Variants in TBC1D19 observed in about 807,000 individuals in gnomAD.
TBC1D19 encodes TBC1 domain family member 19, also known as TBC1 domain family, member 19.
In TBC1D19, 60 loss-of-function variants were observed where a neutral mutation model predicts 89.0. That is an observed-to-expected ratio of 0.67 (90% CI 0.55 to 0.84). The LOEUF is 0.84. TBC1D19 is among the 40% of genes least tolerant of loss of function. The probability of loss-of-function intolerance (pLI) is 0.00; values close to 1 mark genes in which losing one functional copy is unlikely to be tolerated. For missense variants in TBC1D19, 500 were observed against 610.8 expected (o/e 0.82, Z 1.91); for synonymous variants, 189 against 199.7 (o/e 0.95, Z 0.45).
intron 7 of TBC1D19, among the ~76,000 whole-genome samples, chr4:26,658,663 A>T (rs1340057537): frequency 1.3e-5 from 2 of 152,068 alleles, no homozygotes; most frequent in African/African-American, 4.8e-5. Flanking sequence ...TGAATCTATA[A>T]ATTACTTTGG....
chr4:26,835,054 A>G, the TBC1D19 span, among the ~76,000 whole-genome samples: 1 of 152,242 alleles, frequency 6.6e-6, no homozygotes, highest in African/African-American at 2.4e-5. Context: ...ATTTGTGAAT[A>G]TGTTGTCTTA....
intron 13 of TBC1D19, among the ~76,000 whole-genome samples, chr4:26,697,785 G>A (rs1440930960): frequency 6.6e-6 from 1 of 152,142 alleles, no homozygotes; most frequent in African/African-American, 2.4e-5. Flanking sequence ...AATAGATGCA[G>A]GAAAGGCCTT....
At chr4:26,655,985 G>C (rs1577886293) in intron 7 of TBC1D19, among the ~76,000 whole-genome samples, 1 of 152,132 alleles carries the variant, frequency 6.6e-6, no homozygotes, top group South Asian at 2.1e-4. Flanking sequence ...CTGTAGACTG[G>C]AGCTGTTCCT....
the TBC1D19 span, among the ~76,000 whole-genome samples, chr4:26,803,491 G>T: frequency 6.6e-6 from 1 of 152,154 alleles, no homozygotes; most frequent in Admixed American, 6.5e-5. Flanking sequence ...AATGACAAAG[G>T]CTTGGCTTCA....
chr4:26,699,578 G>A lies in TBC1D19; in HGVS notation c.954+11171G>A, dbSNP rs548562375. On this transcript the variant is annotated intron_variant, in intron 13 of 20. Coordinates refer to ENST00000264866, the MANE Select transcript of TBC1D19 (RefSeq NM_018317.4). ...GACATGCACACATATGTTTATTGCG[G>A]CACTATTCACAATAGCAAAGACTTG... Among the ~76,000 whole-genome samples, 6 of 152,224 alleles carry A rather than the reference G, an allele frequency of 3.9e-5. No individual in the cohort carries two copies. In the East Asian group the frequency reaches 1.2e-3, roughly 29 times the overall value.
At chr4:26,760,559 A>G (rs1049807204), downstream of TBC1D19, among the ~76,000 whole-genome samples, 2 of 152,174 alleles carry the variant, frequency 1.3e-5, no homozygotes, top group African/African-American at 4.8e-5. Flanking sequence ...CCTGGATGAC[A>G]GAGGGAGACC....
intron 13 of TBC1D19, among the ~76,000 whole-genome samples, chr4:26,703,671 T>C (rs1053086262): frequency 1.3e-5 from 2 of 152,058 alleles, no homozygotes; most frequent in African/African-American, 4.8e-5. Flanking sequence ...TCTGGGCCTA[T>C]GTCCGGGCAC....
At chr4:26,759,357 C>G (rs1380131618), downstream of TBC1D19, among the ~76,000 whole-genome samples, 1 of 152,008 alleles carries the variant, frequency 6.6e-6, no homozygotes, top group Non-Finnish European at 1.5e-5. Flanking sequence ...TGCGGAGTTG[C>G]CTTTGGAAGT....
intron 17 of TBC1D19, among the ~76,000 whole-genome samples, chr4:26,742,040 G>A (rs950025063): frequency 2.0e-5 from 3 of 152,204 alleles, no homozygotes; most frequent in Admixed American, 6.5e-5. Flanking sequence ...AAAGCAGGCA[G>A]TATTTTCCCT....
chr4:26,816,002 T>C, the TBC1D19 span, among the ~76,000 whole-genome samples: 1 of 152,180 alleles, frequency 6.6e-6, no homozygotes, highest in African/African-American at 2.4e-5. Flanking sequence ...AGAGGAGTTC[T>C]CTCCACAGGC....
intron 4 of TBC1D19, among the ~76,000 whole-genome samples, chr4:26,621,810 GT>G (rs1043623304): frequency 2.3e-4 from 35 of 150,780 alleles, no homozygotes; most frequent in Middle Eastern, 3.4e-3. Context: ...AGAATTGTGG[GT>G]TTTTTTTTGT....
the TBC1D19 span, among the ~76,000 whole-genome samples, chr4:26,778,122 G>C: frequency 6.7e-6 from 1 of 150,084 alleles, no homozygotes; most frequent in African/African-American, 2.4e-5. Flanking sequence ...AGAGAGAGAA[G>C]GAAAGGAAAG....
At chr4:26,713,350 T>C (rs1214054359) in intron 13 of TBC1D19, among the ~76,000 whole-genome samples, 5 of 152,044 alleles carry the variant, frequency 3.3e-5, no homozygotes, top group Admixed American at 2.6e-4. Flanking sequence ...TTTTATACAC[T>C]AGAAATCAAG....
At chr4:26,712,287 C>T (rs1363989498) in intron 13 of TBC1D19, among the ~76,000 whole-genome samples, 1 of 151,936 alleles carries the variant, frequency 6.6e-6, no homozygotes, top group Non-Finnish European at 1.5e-5. Flanking sequence ...TGAATCAAGG[C>T]ATTGGCAGGG....
intron 13 of TBC1D19, among the ~76,000 whole-genome samples, chr4:26,692,969 C>T (rs564847224): frequency 6.6e-6 from 1 of 152,096 alleles, no homozygotes; most frequent in Admixed American, 6.5e-5. Flanking sequence ...GACAAAGAAC[C>T]TGCTAAGTTA....
At chr4:26,623,250 C>T (rs1399313566) in intron 4 of TBC1D19, among the ~76,000 whole-genome samples, 1 of 152,164 alleles carries the variant, frequency 6.6e-6, no homozygotes, top group Admixed American at 6.5e-5. Context: ...TACTTTCTCT[C>T]TTCTCCCAAA....
intron 13 of TBC1D19, among the ~76,000 whole-genome samples, chr4:26,691,602 GA>G (rs1714300960): frequency 6.6e-6 from 1 of 151,996 alleles, no homozygotes; most frequent in African/African-American, 2.4e-5. Context: ...TTTTTAGCAA[GA>G]AAGTATTTTT....
intron 4 of TBC1D19, among the ~76,000 whole-genome samples, chr4:26,632,376 A>G (rs927871718): frequency 6.6e-6 from 1 of 151,256 alleles, no homozygotes; most frequent in African/African-American, 2.4e-5. Flanking sequence ...TATATATTAT[A>G]TACTATATTC....
chr4:26,679,797 A>T (rs1713171935), intron 11 of TBC1D19, among the ~76,000 whole-genome samples: 1 of 152,222 alleles, frequency 6.6e-6, no homozygotes, highest in Admixed American at 6.5e-5. Context: ...AGCGTAGTTA[A>T]TGCTGGAATG....
Sources: gnomAD v4.1 joint callset for allele counts (sites outside exome capture counted in the v4.1 genomes callset) on GRCh38, gnomAD v4.1.1 for gene constraint, MANE v1.5 for transcripts, NCBI Gene and HGNC (gene_info 2026-07-23, HGNC 2026-07-21) for gene names.